EXO1: variants seen among roughly 807,000 people sequenced by gnomAD.
The protein encoded by EXO1 is exonuclease 1.
A neutral mutation model predicts 84.5 loss-of-function variants in EXO1; 69 were observed. The ratio of observed to expected loss-of-function variants is 0.82; its 90% CI spans 0.67 to 1.00. The LOEUF (loss-of-function observed/expected upper bound fraction) is 1.00, where lower values mean the gene tolerates loss of function less well. Ranked by LOEUF, EXO1 falls within the 50% of genes least tolerant of loss-of-function variation. The pLI is 0.00. For missense variants in EXO1, 1,045 were observed against 1,000.7 expected (o/e 1.04, Z -0.60); for synonymous variants, 373 against 366.1 (o/e 1.02, Z -0.21).
chr1:241,872,371 A>G (rs4149969), intron 12 of EXO1, 93 bp downstream of exon 12: 139,919 of 1,379,204 alleles, frequency 0.1, 10,184 homozygotes, highest in East Asian at 0.38. Context: ...TTTATTTATT[A>G]TACTTTAAGT....
chr1:241,852,157 C>A (rs2148384673), intron 4 of EXO1, 135 bp from the exon 5 acceptor site: 1 of 760,976 alleles, frequency 1.3e-6, no homozygotes, highest in Non-Finnish European at 2.2e-6. Flanking sequence ...AGTTCCAATT[C>A]CTATGAAAAC....
intron 8 of EXO1, among the ~76,000 whole-genome samples, chr1:241,859,601 C>G (rs1661258926): frequency 6.6e-6 from 1 of 152,116 alleles, no homozygotes; most frequent in Non-Finnish European, 1.5e-5. Flanking sequence ...CCTAAGTTAT[C>G]TCATAACGTG....
Position 241,879,321 on chromosome 1 carries a change from C to T in EXO1, c.2087C>T (p.Ser696Phe), listed in dbSNP as rs1249821861. 6.3e-7 allele frequency: 1 copy of T among 1,599,652 alleles called. No individual in the cohort carries two copies. The highest frequency in any genetic ancestry group is 2.2e-5 in the East Asian group (1 of 44,830). The part of the protein sequence containing the change: ...SSNASKLSQC[S>F]SKDSDSEESD... ...AATGCATCAAAGCTTTCTCAGTGCT[C>T]TAGTAAGGACTCTGATTCAGAGGTA... Residue 696 changes from serine to phenylalanine, a missense_variant, in exon 13 of 16, where the codon TCT (serine) becomes TTT (phenylalanine). By Grantham distance (155) the Ser-to-Phe change is radical. Coordinates refer to ENST00000366548, the MANE Select transcript of EXO1 (RefSeq NM_130398.4).
At chr1:241,851,120 A>G (rs1403346079) in intron 4 of EXO1, among the ~76,000 whole-genome samples, 1 of 152,110 alleles carries the variant, frequency 6.6e-6, no homozygotes, top group Non-Finnish European at 1.5e-5. Flanking sequence ...GTGAGCCACC[A>G]TGCCTGGCCC....
At position 241,853,435 on chromosome 1, in the gene EXO1, C is replaced by A; in HGVS notation, c.359C>A (p.Thr120Asn). 2.5e-6 allele frequency: 4 copies of A among 1,613,934 alleles called. No homozygotes were observed. The highest frequency in any genetic ancestry group is 3.4e-6 in the Non-Finnish European group (4 of 1,179,918). Reference sequence around the variant, plus strand: ...GTCTCGGAAGCTCGAGAGTGTTTCACCCGGTCTATCAATATCACACATGCC... The same window carrying A: ...GTCTCGGAAGCTCGAGAGTGTTTCAACCGGTCTATCAATATCACACATGCC... Reference protein sequence around the residue: ...GKVSEARECFTRSINITHAMA... With the variant: ...GKVSEARECFNRSINITHAMA... Residue 120 changes from threonine (T) to asparagine (N), a missense_variant, in exon 6 of 16, where the codon ACC (threonine) becomes AAC (asparagine). Transcript: ENST00000366548.
At chr1:241,885,862 TTTG>T (rs1159108225) in intron 15 of EXO1, among the ~76,000 whole-genome samples, 277 of 2,144 alleles carry the variant, frequency 0.13, 8 homozygotes, top group Middle Eastern at 0.5. Context: ...TTTTTTGTTT[TTTG>T]TTTTTTTGAG....
chr1:241,864,195 T>C (rs1343017288), intron 10 of EXO1, among the ~76,000 whole-genome samples: 1 of 152,200 alleles, frequency 6.6e-6, no homozygotes, highest in African/African-American at 2.4e-5. Flanking sequence ...TCTTGGATGA[T>C]GTGGTTGGTA....
chr1:241,889,376 C>T, intron 15 of EXO1, 89 bp from the exon 16 acceptor site: 1 of 1,172,916 alleles, frequency 8.5e-7, no homozygotes, highest in South Asian at 1.2e-5. Flanking sequence ...TTATCCTCTT[C>T]ATGTCCCTCT....
In EXO1 at chr1:241,861,429, T is replaced by C; in HGVS notation, c.968T>C (p.Leu323Pro). The change falls in exon 10 of 16, where the codon CTT (leucine) becomes CCT (proline). Residue 323 changes from leucine to proline, a missense_variant. Physicochemically the swap from Leu to Pro is moderately conservative, Grantham distance 98 (BLOSUM62 -3). Transcript: ENST00000366548. ...AGATATGTTGATGATTCCATAGCTCTTCAAATAGCACTTGGAAATAAAGAT... is the reference window on the plus strand; with the variant it reads ...AGATATGTTGATGATTCCATAGCTCCTCAAATAGCACTTGGAAATAAAGAT... ...AGQYVDDSIA[L>P]QIALGNKDIN... 1 of 1,564,886 alleles carries C rather than the reference T, an allele frequency of 6.4e-7. No individual in the cohort carries two copies. Among genetic ancestry groups the C allele is most frequent in the Non-Finnish European group, 8.8e-7 (1 of 1,135,132 alleles).
At chr1:241,855,430 C>G (rs1183186153) in intron 6 of EXO1, among the ~76,000 whole-genome samples, 1 of 152,200 alleles carries the variant, frequency 6.6e-6, no homozygotes, top group Non-Finnish European at 1.5e-5. Flanking sequence ...GAGCTAGATA[C>G]AGAGTGCCGA....
At chr1:241,884,296 C>T (rs4149989) in intron 14 of EXO1, among the ~76,000 whole-genome samples, 1,738 of 152,126 alleles carry the variant, frequency 0.011, 30 homozygotes, top group African/African-American at 0.04. Context: ...CTGTGTGAAC[C>T]TTTATTTTGT....
chr1:241,850,586 G>A lies in EXO1; in HGVS notation c.161G>A (p.Arg54Lys), dbSNP rs766312563. Residue 54 changes from arginine (R) to lysine (K), a missense_variant and splice_region_variant, in exon 4 of 16, where the codon AGG becomes AAG. By Grantham distance (26) the Arg-to-Lys change is conservative. Transcript: ENST00000366548. Reference sequence around the variant, plus strand: ...CTAGCCAAAGGTGAACCTACTGATAGGTAAGTCTGGACCTTATGTTAATTC... The same window carrying A: ...CTAGCCAAAGGTGAACCTACTGATAAGTAAGTCTGGACCTTATGTTAATTC... The part of the protein sequence containing the change: ...EKLAKGEPTD[R>K]YVGFCMKFVN... 31 of 1,612,602 alleles carry A rather than the reference G, an allele frequency of 1.9e-5. No individual in the cohort carries two copies. Among genetic ancestry groups the A allele is most frequent in the Non-Finnish European group, 2.6e-5 (31 of 1,179,352 alleles).
At position 241,885,384 on chromosome 1, in the gene EXO1, C is replaced by G. The variant is rs552307132; in HGVS notation, c.2282C>G (p.Ala761Gly). 7 of 1,613,694 alleles carry G rather than the reference C, an allele frequency of 4.3e-6. No individual in the cohort carries two copies. In the East Asian group the frequency reaches 1.3e-4, roughly 31 times the overall value. The stretch of plus-strand genomic sequence containing the variant: ...ACCAAGATCAAACCTCTAGGACCTG[C>G]CAGAGCCAGTGGGCTGAGCAAGAAG... The part of the protein sequence containing the change: ...STTKIKPLGP[A>G]RASGLSKKPA... Residue 761 changes from alanine to glycine, a missense_variant, in exon 15 of 16, where the codon GCC (alanine) becomes GGC (glycine). Ala to Gly is a moderately conservative substitution (Grantham distance 60, BLOSUM62 0). Coordinates refer to ENST00000366548, the MANE Select transcript of EXO1 (RefSeq NM_130398.4).
At chr1:241,867,730 A>G (rs78786050) in intron 11 of EXO1, among the ~76,000 whole-genome samples, 11,846 of 152,006 alleles carry the variant, frequency 0.078, 725 homozygotes, top group Admixed American at 0.19. Flanking sequence ...TCAGCTGACC[A>G]CATATATGTG....
rs1662556529 is a variant in EXO1, at chr1:241,878,776, CTG to C, written c.1546_1547del (p.Val516IlefsTer11). ...RFFCSSDSTD[C>X]VSNKVSIQPL... ...TTTTTTGCAGTTCAGATTCTACTGA[CTG>C]TGTATCAAACAAAGTGAGCATCCAG... On this transcript the variant is annotated frameshift_variant, in exon 13 of 16. Coordinates refer to ENST00000366548, the MANE Select transcript of EXO1 (RefSeq NM_130398.4). LOFTEE classifies it high-confidence loss of function. 1 of 1,613,032 alleles carries C rather than the reference CTG, an allele frequency of 6.2e-7. No homozygotes were observed. The highest frequency in any genetic ancestry group is 8.5e-7 in the Non-Finnish European group (1 of 1,179,302).
intron 12 of EXO1, 151 bp downstream of exon 12, chr1:241,872,429 T>A: frequency 1.3e-6 from 1 of 785,126 alleles, no homozygotes; most frequent in Non-Finnish European, 2.1e-6. Flanking sequence ...TGGGTATACA[T>A]GTGCCATGGT....
intron 11 of EXO1, among the ~76,000 whole-genome samples, chr1:241,868,374 C>CAA (rs10591886): frequency 1.4e-3 from 159 of 115,436 alleles, no homozygotes; most frequent in South Asian, 4.5e-3. Context: ...GAATCCATCT[C>CAA]AAAAAAAAAA....
intron 11 of EXO1, among the ~76,000 whole-genome samples, chr1:241,870,793 T>TG (rs1662039525): frequency 6.6e-6 from 1 of 152,226 alleles, no homozygotes; most frequent in South Asian, 2.1e-4. Context: ...TGGAAATTGA[T>TG]GAGTCTTAAA....
chr1:241,863,366 T>C (rs1156237010), intron 10 of EXO1, among the ~76,000 whole-genome samples: 2 of 151,112 alleles, frequency 1.3e-5, no homozygotes, highest in East Asian at 3.9e-4. Flanking sequence ...ATCCTCAGTT[T>C]GCAAGGATTA....
Sources: allele counts gnomAD v4.1 joint callset (sites outside exome capture counted in the v4.1 genomes callset), GRCh38; gene constraint gnomAD v4.1.1; transcripts MANE v1.5; gene names NCBI Gene and HGNC (gene_info 2026-07-23, HGNC 2026-07-21).